Variants in EHMT1 observed in about 807,000 individuals in gnomAD.
The protein encoded by EHMT1 is euchromatic histone lysine methyltransferase 1.
EHMT1 carries 15 observed loss-of-function variants against 147.2 expected under a neutral mutation model. The ratio of observed to expected loss-of-function variants is 0.10; its 90% CI spans 0.07 to 0.16. The LOEUF is 0.16. Among genes scored for constraint, EHMT1 ranks in the 10% least tolerant of loss-of-function variants. The probability of loss-of-function intolerance (pLI) is 1.00; values close to 1 mark genes in which losing one functional copy is unlikely to be tolerated. For synonymous variants in EHMT1, 795 were observed against 709.6 expected, an observed-to-expected ratio of 1.12 and a Z score of -1.91; for missense variants, 1,587 against 1,772.4, an observed-to-expected ratio of 0.90 and a Z score of 1.88.
intron 3 of EHMT1, among the ~76,000 whole-genome samples, chr9:137,717,470 C>T (rs1945446857): frequency 6.6e-6 from 1 of 151,750 alleles, no homozygotes; most frequent in Non-Finnish European, 1.5e-5. Flanking sequence ...ATTAACTGGG[C>T]ATAGTGGTGC....
intron 1 of EHMT1, among the ~76,000 whole-genome samples, chr9:137,669,172 C>T (rs897688654): frequency 6.6e-6 from 1 of 152,154 alleles, no homozygotes; most frequent in Non-Finnish European, 1.5e-5. Flanking sequence ...CAGGCGTGAG[C>T]CACTGTTCCC....
chr9:137,630,095 G>A (rs991495856), intron 1 of EHMT1, among the ~76,000 whole-genome samples: 12 of 152,192 alleles, frequency 7.9e-5, no homozygotes, highest in Admixed American at 3.3e-4. Context: ...ACTGTGAGCT[G>A]CTGTTTCATT....
chr9:137,627,821 A>G (rs1589033126), intron 1 of EHMT1, among the ~76,000 whole-genome samples: 1 of 143,082 alleles, frequency 7.0e-6, no homozygotes, highest in Admixed American at 7.0e-5. Flanking sequence ...CTGCCTCATT[A>G]CCCCCCCACC....
chr9:137,666,678 C>T (rs1054432148), intron 1 of EHMT1, among the ~76,000 whole-genome samples: 1 of 152,212 alleles, frequency 6.6e-6, no homozygotes, highest in East Asian at 1.9e-4. Flanking sequence ...GCCTCCCCCT[C>T]GGAGCCTGTG....
At chr9:137,772,409 G>A (rs1950646070) in intron 10 of EHMT1, among the ~76,000 whole-genome samples, 1 of 152,196 alleles carries the variant, frequency 6.6e-6, no homozygotes, top group African/African-American at 2.4e-5. Flanking sequence ...GGGCTTGTGT[G>A]GAGAGTAGAT....
At chr9:137,825,556 T>TGCA (rs1401982759) in intron 25 of EHMT1, among the ~76,000 whole-genome samples, 1 of 152,158 alleles carries the variant, frequency 6.6e-6, no homozygotes, top group Non-Finnish European at 1.5e-5. Flanking sequence ...GGAGGGCAAG[T>TGCA]GCAGCACCAG....
In EHMT1 at chr9:137,828,913, ATCCT is replaced by A. The variant is rs949230488; in HGVS notation, c.3541-5435_3541-5432del. Among the ~76,000 whole-genome samples, 26 of 152,158 alleles carry A rather than the reference ATCCT, an allele frequency of 1.7e-4. No homozygotes were observed. Among genetic ancestry groups the A allele is most frequent in the African/African-American group, 6.0e-4 (25 of 41,540 alleles). On this transcript the variant is annotated intron_variant, in intron 25 of 26. Transcript: ENST00000460843. The surrounding 1 kb of genome is among the most constrained non-coding windows in gnomAD (Gnocchi z 5.3). Reference sequence around the variant, plus strand: ...TGGGGGCTTGTGGAGCCTGCTAGGAATCCTGGGAAGAGCCCAGATGGGCCTGGCC... The same window carrying A: ...TGGGGGCTTGTGGAGCCTGCTAGGAAGGGAAGAGCCCAGATGGGCCTGGCC...
At chr9:137,816,100 TCGTATTAGCA>T (rs536304558) in intron 23 of EHMT1, 38 bp downstream of exon 23, 154 of 1,569,308 alleles carry the variant, frequency 9.8e-5, no homozygotes, top group African/African-American at 2.8e-4. Flanking sequence ...CACATTCTGC[TCGTATTAGCA>T]CGTATTAGCA....
In EHMT1 at chr9:137,798,933, C is replaced by G; in HGVS notation, c.2607+19C>G. The G allele has an allele frequency of 6.3e-7, 1 of 1,584,966 alleles. No individual in the cohort carries two copies. The highest frequency in any genetic ancestry group is 8.7e-7 in the Non-Finnish European group (1 of 1,153,516). On this transcript the variant is annotated intron_variant, in intron 17 of 26. Coordinates refer to ENST00000460843, the MANE Select transcript of EHMT1 (RefSeq NM_024757.5). Reference sequence around the variant, plus strand: ...CTGTCAGGTACAGCCACCCCCTCCCCTTAGCAGTACACTGTGTGGACTGGC... The same window carrying G: ...CTGTCAGGTACAGCCACCCCCTCCCGTTAGCAGTACACTGTGTGGACTGGC...
intron 19 of EHMT1, 64 bp from the exon 20 acceptor site, chr9:137,812,942 C>T (rs1357348155): frequency 1.3e-6 from 2 of 1,593,918 alleles, no homozygotes; most frequent in Admixed American, 1.7e-5. Context: ...TTTTATAAAT[C>T]TCATCTGTAT....
chr9:137,757,340 G>A (rs189377787), intron 8 of EHMT1, among the ~76,000 whole-genome samples: 3 of 152,338 alleles, frequency 2.0e-5, no homozygotes, highest in Admixed American at 2.0e-4. Flanking sequence ...TACTGGAGTC[G>A]ACACTGATCC....
Position 137,834,986 on chromosome 9 carries a change from A to T in EHMT1, c.*33A>T. 7.3e-7 allele frequency: 1 copy of T among 1,378,592 alleles called. No individual in the cohort carries two copies. The allele number at this position is 1,378,592 out of a possible 1,614,324, so 85.4% of individuals were successfully genotyped here. A position where few individuals can be genotyped will look rare whatever the true frequency, so the allele number is the denominator to read the frequency against. ...CCGGCCAGCGGGGCGCTCGGGAGCCAGGGACCGCCGCGTCGCCGATTAGAG... is the reference window on the plus strand; with the variant it reads ...CCGGCCAGCGGGGCGCTCGGGAGCCTGGGACCGCCGCGTCGCCGATTAGAG... On this transcript the variant is annotated 3_prime_UTR_variant, in exon 27 of 27. Transcript: ENST00000460843.
intron 1 of EHMT1, among the ~76,000 whole-genome samples, chr9:137,694,904 C>G (rs1481843850): frequency 2.0e-5 from 3 of 152,228 alleles, no homozygotes; most frequent in Non-Finnish European, 2.9e-5. Flanking sequence ...GGTAGATAAA[C>G]TAGAGCATCA....
intron 18 of EHMT1, among the ~76,000 whole-genome samples, chr9:137,809,945 C>G: frequency 8.1e-6 from 1 of 124,110 alleles, no homozygotes; most frequent in Admixed American, 7.4e-5. Flanking sequence ...GGAGGTGGTT[C>G]CGATGCCGCC....
Position 137,834,989 on chromosome 9 carries a change from G to C in EHMT1, c.*36G>C. ...GCCAGCGGGGCGCTCGGGAGCCAGG[G>C]ACCGCCGCGTCGCCGATTAGAGGAC... On this transcript the variant is annotated 3_prime_UTR_variant, in exon 27 of 27. Transcript: ENST00000460843. 7.3e-7 allele frequency: 1 copy of C among 1,376,166 alleles called. No individual in the cohort carries two copies. The highest frequency in any genetic ancestry group is 1.7e-5 in the South Asian group (1 of 60,258). The allele number at this position is 1,376,166 out of a possible 1,614,324, so 85.2% of individuals were successfully genotyped here. A position where few individuals can be genotyped will look rare whatever the true frequency, so the allele number is the denominator to read the frequency against.
intron 6 of EHMT1, chr9:137,745,394 T>C (rs911242368): frequency 4.8e-5 from 19 of 396,194 alleles, no homozygotes; most frequent in African/African-American, 3.1e-4. Flanking sequence ...GTTGGAAATA[T>C]TACCATTAGA....
At chr9:137,641,347 T>G (rs1844469281) in intron 1 of EHMT1, 2 of 491,642 alleles carry the variant, frequency 4.1e-6, no homozygotes, top group African/African-American at 4.0e-5. Context: ...AGAGCTTTAT[T>G]TTTGAAGTAA....
chr9:137,743,305 GA>G, intron 4 of EHMT1, 65 bp from the exon 5 acceptor site: 5 of 1,520,178 alleles, frequency 3.3e-6, no homozygotes, highest in Non-Finnish European at 4.4e-6. Flanking sequence ...TCTTACCTTT[GA>G]AAAACATTTG....
chr9:137,831,250 TACTC>T (rs1304033283), intron 25 of EHMT1, among the ~76,000 whole-genome samples: 2 of 152,226 alleles, frequency 1.3e-5, no homozygotes, highest in African/African-American at 4.8e-5. Flanking sequence ...CGAGAAAAAA[TACTC>T]AAGTAGATTT....
Sources: gnomAD v4.1 joint callset for allele counts (sites outside exome capture counted in the v4.1 genomes callset) on GRCh38, gnomAD v4.1.1 for gene constraint, Gnocchi (gnomAD v3.1) non-coding constraint, MANE v1.5 for transcripts, NCBI Gene and HGNC (gene_info 2026-07-23, HGNC 2026-07-21) for gene names.